The following CDC45 variants were observed in gnomAD, a reference collection of about 807,000 sequenced individuals.
CDC45 encodes the protein cell division control protein 45 homolog.
In CDC45, 54 loss-of-function variants were observed where a neutral mutation model predicts 77.8. The observed-to-expected ratio is 0.69, with a 90% CI of 0.56 to 0.87. The LOEUF is 0.87. Among genes scored for constraint, CDC45 ranks in the 40% least tolerant of loss-of-function variants. The pLI, the probability that CDC45 is intolerant of heterozygous loss-of-function variation, is 0.00. For synonymous variants in CDC45, 260 were observed against 272.1 expected, an observed-to-expected ratio of 0.96 and a Z score of 0.44; for missense variants, 649 against 721.6, an observed-to-expected ratio of 0.90 and a Z score of 1.15.
At chr22:19,491,087 A>G (rs1173337468) in intron 5 of CDC45, among the ~76,000 whole-genome samples, 1 of 152,114 alleles carries the variant, frequency 6.6e-6, no homozygotes, top group Non-Finnish European at 1.5e-5. Context: ...TCAGCCTCCC[A>G]AAGTGCTGGA....
chr22:19,516,481 C>A, intron 15 of CDC45, 46 bp from the exon 16 acceptor site: 1 of 1,488,070 alleles, frequency 6.7e-7, no homozygotes, highest in Non-Finnish European at 9.4e-7. Context: ...GAGTGTTGAG[C>A]TGGGGCCCAC....
At chr22:19,480,831 A>G (rs2089968092) in intron 2 of CDC45, 122 bp from the exon 3 acceptor site, 1 of 607,576 alleles carries the variant, frequency 1.6e-6, no homozygotes, top group East Asian at 2.9e-5. Flanking sequence ...TAAGCATTTC[A>G]CTAGCTTTAA....
Position 19,479,979 on chromosome 22 carries a change from C to A in CDC45, c.11C>A (p.Ser4Tyr), listed in dbSNP as rs199753286. Residue 4 changes from serine (S) to tyrosine (Y), a missense_variant, in exon 1 of 19, where the codon TCC becomes TAC. Transcript: ENST00000263201. Reference sequence around the variant, plus strand: ...CCGGCCGCCGTGGCTATGTTCGTGTCCGATTTCCGCAAAGAGTTCTACGAG... The same window carrying A: ...CCGGCCGCCGTGGCTATGTTCGTGTACGATTTCCGCAAAGAGTTCTACGAG... MFV[S>Y]DFRKEFYEVV... is the part of the protein sequence containing the mutation. The A allele has an allele frequency of 3.1e-6, 5 of 1,613,722 alleles. No homozygotes were observed. The East Asian group carries it at 8.9e-5, about 29-fold the overall frequency.
At position 19,492,276 on chromosome 22, in the gene CDC45, T is replaced by C. The variant is rs2090165259; in HGVS notation, c.487-2051T>C. ...TTTTTGGTCTATTTTTTCTCGGTTGTTCAGACTGGGTAATTTCTGTCTTTC... is the reference window on the plus strand; with the variant it reads ...TTTTTGGTCTATTTTTTCTCGGTTGCTCAGACTGGGTAATTTCTGTCTTTC... On this transcript the variant is annotated intron_variant, in intron 5 of 18. Transcript: ENST00000263201. Among the ~76,000 whole-genome samples, 3 of 152,174 alleles carry C rather than the reference T, an allele frequency of 2.0e-5. No homozygotes were observed. In the South Asian group the frequency reaches 6.2e-4, roughly 31 times the overall value.
intron 5 of CDC45, among the ~76,000 whole-genome samples, chr22:19,486,733 A>G (rs1424903219): frequency 2.6e-5 from 4 of 152,080 alleles, no homozygotes; most frequent in Admixed American, 2.6e-4. Flanking sequence ...CCCAGGCTGG[A>G]GTGCAGTGGT....
rs1933427070 is a variant in CDC45 at position 19,510,044 on chromosome 22, C to CT, written c.1217+1355dup. On this transcript the variant is annotated intron_variant, in intron 13 of 18. Coordinates refer to ENST00000263201, the MANE Select transcript of CDC45 (RefSeq NM_003504.5). The stretch of plus-strand genomic sequence containing the variant: ...TGGCATGATCATAGCTCACAGCAGC[C>CT]TTGACCTCCCAGTCTCAAGCAATCT... Among the ~76,000 whole-genome samples the CT allele has an allele frequency of 2.0e-5, 3 of 152,204 alleles. No individual in the cohort carries two copies. The South Asian group carries it at 6.2e-4, about 31-fold the overall frequency.
In CDC45 at chr22:19,508,937, C is replaced by CT. The variant is rs1047941992; in HGVS notation, c.1217+253dup. Among the ~76,000 whole-genome samples the CT allele has an allele frequency of 7.2e-5, 11 of 152,120 alleles. No homozygotes were observed. The East Asian group carries it at 7.7e-4, about 11-fold the overall frequency. On this transcript the variant is annotated intron_variant, in intron 13 of 18. Transcript: ENST00000263201. ...TTCTTTTTGATTTTTAAAATTTTCT[C>CT]TTTTTTTACCTTTTGTATCTCTTAA...
chr22:19,499,277 C>T (rs1228647864), intron 9 of CDC45, 126 bp downstream of exon 9: 3 of 909,252 alleles, frequency 3.3e-6, no homozygotes, highest in African/African-American at 1.6e-5. Flanking sequence ...AGGACTGGCC[C>T]TCCTCCTTGG....
At chr22:19,501,611 A>G (rs1219136790) in intron 9 of CDC45, among the ~76,000 whole-genome samples, 4 of 152,242 alleles carry the variant, frequency 2.6e-5, no homozygotes, top group Non-Finnish European at 5.9e-5. Context: ...ACGTTTGCCT[A>G]GAAGCATTCA....
In CDC45 at chr22:19,515,058, C is replaced by T; in HGVS notation, c.1440+10C>T. On this transcript the variant is annotated intron_variant, in intron 15 of 18. Transcript: ENST00000263201. ...GTCCTTTGTGTGTTCGGTGAGGGGC[C>T]AGGCGGGTGCTGTGGGTACAGGAGG... 1.3e-5 allele frequency: 21 copies of T among 1,589,050 alleles called. No individual in the cohort carries two copies. The highest frequency in any genetic ancestry group is 1.8e-5 in the Non-Finnish European group (21 of 1,165,516).
intron 15 of CDC45, 37 bp downstream of exon 15, chr22:19,515,085 C>A (rs1486632238): frequency 2.6e-6 from 4 of 1,550,006 alleles, no homozygotes; most frequent in Admixed American, 3.8e-5. Context: ...TACAGGAGGG[C>A]AGGTGCTTGG....
At chr22:19,504,480 A>G (rs1330287919) in intron 9 of CDC45, among the ~76,000 whole-genome samples, 2 of 152,216 alleles carry the variant, frequency 1.3e-5, no homozygotes, top group African/African-American at 2.4e-5. Context: ...TGTATTTGTA[A>G]TAGAGACGGG....
chr22:19,510,228 G>C (rs1303666750), intron 13 of CDC45, among the ~76,000 whole-genome samples: 1 of 152,154 alleles, frequency 6.6e-6, no homozygotes, highest in Non-Finnish European at 1.5e-5. Context: ...CAAAGTGCTG[G>C]GAGGAACAGG....
At chr22:19,511,558 G>A (rs113755673) in intron 13 of CDC45, among the ~76,000 whole-genome samples, 7,141 of 152,040 alleles carry the variant, frequency 0.047, 222 homozygotes, top group Middle Eastern at 0.15. Context: ...TCAAACTCCT[G>A]GGCTCAAGCA....
rs5993650 is a variant in CDC45 at position 19,481,132 on chromosome 22, C to T, written c.204+87C>T. 0.49 allele frequency: 421,892 copies of T among 852,350 alleles called. 108,964 individuals are homozygous for T. Among genetic ancestry groups the T allele is most frequent in the South Asian group, 0.61 (40,871 of 66,788 alleles). The allele number at this position is 852,350 out of a possible 1,614,324, so 52.8% of individuals were successfully genotyped here. A position where few individuals can be genotyped will look rare whatever the true frequency, so the allele number is the denominator to read the frequency against. On this transcript the variant is annotated intron_variant, in intron 3 of 18. Transcript: ENST00000263201. ...CATTCTATTTCCACGATAGATTAAG[C>T]GTGTATTTAAGTATCAGCTACATTA...
Position 19,480,958 on chromosome 22 carries a change from G to C in CDC45, c.117G>C (p.Leu39Phe), listed in dbSNP as rs751994955. ...ALCACKILQALFQCDHVQYTL... is the reference protein window; with the variant it reads ...ALCACKILQAFFQCDHVQYTL... ...TGAAAACACTCTCTCTCCAGGCCTT[G>C]TTCCAGTGTGACCACGTGCAATATA... The change falls in exon 3 of 19, where the codon TTG becomes TTC. Residue 39 changes from leucine (L) to phenylalanine (F), a missense_variant. By Grantham distance (22) the Leu-to-Phe change is conservative (BLOSUM62 0). Transcript: ENST00000263201. The C allele has an allele frequency of 6.2e-7, 1 of 1,609,440 alleles. No homozygotes were observed. The highest frequency in any genetic ancestry group is 8.5e-7 in the Non-Finnish European group (1 of 1,176,916).
At chr22:19,479,633 G>A, upstream of CDC45, 1 of 652,474 alleles carries the variant, frequency 1.5e-6, no homozygotes, top group South Asian at 1.5e-5. Flanking sequence ...CCCAGTGGGA[G>A]GCAGTAGGCT....
In CDC45 at chr22:19,494,609, G is replaced by A. The variant is rs1271206838; in HGVS notation, c.542+227G>A. The A allele has an allele frequency of 1.1e-5, 17 of 1,530,656 alleles. 1 individual carries two copies. The highest frequency in any genetic ancestry group is 3.6e-5 in the South Asian group (3 of 83,754). 94.8% of individuals were successfully genotyped at this position (1,530,656 alleles called of 1,614,324 possible). A position where few individuals can be genotyped will look rare whatever the true frequency, so the allele number is the denominator to read the frequency against. On this transcript the variant is annotated intron_variant, in intron 6 of 18. Transcript: ENST00000263201. ...CAGCCCCAAGGTCTCCCAGGTACAT[G>A]CCATCCATTAGAGACCATGGCCCTG...
At chr22:19,511,329 C>CTTTTT (rs374439054) in intron 13 of CDC45, among the ~76,000 whole-genome samples, 3 of 126,340 alleles carry the variant, frequency 2.4e-5, no homozygotes, top group African/African-American at 9.1e-5. Flanking sequence ...AGTCCTTTGT[C>CTTTTT]TTTTTTTTTT....
Sources: gnomAD v4.1 joint callset for allele counts (sites outside exome capture counted in the v4.1 genomes callset) on GRCh38, gnomAD v4.1.1 for gene constraint, MANE v1.5 for transcripts, NCBI Gene and HGNC (gene_info 2026-07-23, HGNC 2026-07-21) for gene names.